The following RNF149 variants were observed in gnomAD, a reference collection of about 807,000 sequenced individuals.
RNF149 encodes ring finger protein 149, also known as E3 ubiquitin-protein ligase RNF149.
RNF149 carries 21 observed loss-of-function variants against 39.0 expected under a neutral mutation model. The observed-to-expected ratio is 0.54, with a 90% CI of 0.38 to 0.77. The LOEUF is 0.77. Ranked by LOEUF, RNF149 falls within the 30% of genes least tolerant of loss-of-function variation. The pLI is 0.00. For synonymous variants in RNF149, 209 were observed against 213.6 expected, an observed-to-expected ratio of 0.98 and a Z score of 0.19; for missense variants, 493 against 534.9, an observed-to-expected ratio of 0.92 and a Z score of 0.77.
downstream of RNF149, chr2:101,271,677 A>G (rs1682134997): frequency 6.6e-6 from 1 of 151,986 alleles, no homozygotes; most frequent in Non-Finnish European, 1.5e-5. Context: ...TTCAACTGTC[A>G]CGTTAAGATG....
chr2:101,286,054 T>C (rs768780003), intron 5 of RNF149, 27 bp downstream of exon 5: 6 of 1,335,780 alleles, frequency 4.5e-6, no homozygotes, highest in Non-Finnish European at 6.5e-6. Context: ...GGGGCAGAGA[T>C]TGAATATAAA....
In RNF149 at chr2:101,277,241, G is replaced by A. The variant is rs1682378876; in HGVS notation, c.1200C>T (p.Ser400=). The A allele has an allele frequency of 6.2e-7, 1 of 1,613,644 alleles. No homozygotes were observed. The highest frequency in any genetic ancestry group is 8.5e-7 in the Non-Finnish European group (1 of 1,179,778). The change falls in exon 7 of 7, where the codon TCC becomes TCT. Residue 400 remains serine, a synonymous_variant. Coordinates refer to ENST00000295317, the MANE Select transcript of RNF149 (RefSeq NM_173647.4). ...RSDSRHGGPI[S] ...GCCACTTCAGTGGGCACGTGTGCTA[G>A]GAGATGGGTCCTCCATGCCGAGAGT... is the stretch of plus-strand genomic sequence containing the variant.
At chr2:101,301,322 C>T (rs554792132) in intron 1 of RNF149, among the ~76,000 whole-genome samples, 3 of 150,780 alleles carry the variant, frequency 2.0e-5, no homozygotes, top group African/African-American at 7.4e-5. Context: ...TACTAAATAA[C>T]AAATATAGAT....
chr2:101,300,747 T>G (rs1056355119), intron 1 of RNF149, among the ~76,000 whole-genome samples: 5 of 152,178 alleles, frequency 3.3e-5, no homozygotes, highest in Non-Finnish European at 5.9e-5. Context: ...TATTTTAAAT[T>G]AACAAAACCC....
At position 101,295,193 on chromosome 2, in the gene RNF149, A is replaced by T; in HGVS notation, c.461-12T>A. On this transcript the variant is annotated splice_polypyrimidine_tract_variant and intron_variant, in intron 1 of 6. Coordinates refer to ENST00000295317, the MANE Select transcript of RNF149 (RefSeq NM_173647.4). ...TATATTTCCTGTTCCTGTAGGAAAG[A>T]ACAAAGAAATCAATGTGAAGAACAC... 4 of 1,606,866 alleles carry T rather than the reference A, an allele frequency of 2.5e-6. No homozygotes were observed. Among genetic ancestry groups the T allele is most frequent in the Non-Finnish European group, 3.4e-6 (4 of 1,174,222 alleles).
intron 6 of RNF149, among the ~76,000 whole-genome samples, chr2:101,278,101 T>C (rs1682419854): frequency 6.6e-6 from 1 of 152,212 alleles, no homozygotes; most frequent in African/African-American, 2.4e-5. Context: ...TCCTTAAAGA[T>C]AGCAGCAGAT....
intron 6 of RNF149, among the ~76,000 whole-genome samples, chr2:101,278,013 TG>T (rs1483255714): frequency 1.3e-5 from 2 of 152,180 alleles, no homozygotes; most frequent in Non-Finnish European, 2.9e-5. Flanking sequence ...GAGGAGGAGC[TG>T]GTACTGAAAT....
At chr2:101,284,919 G>A (rs1682736378) in intron 5 of RNF149, among the ~76,000 whole-genome samples, 1 of 152,046 alleles carries the variant, frequency 6.6e-6, no homozygotes, top group African/African-American at 2.4e-5. Context: ...ATTGAGACAA[G>A]GTTTCACTCT....
downstream of RNF149, among the ~76,000 whole-genome samples, chr2:101,275,050 C>G (rs551167064): frequency 1.3e-5 from 2 of 151,210 alleles, no homozygotes; most frequent in South Asian, 4.2e-4. Flanking sequence ...CCACCTTGGC[C>G]TCTCAAAGTG....
Position 101,290,840 on chromosome 2 carries a change from G to A in RNF149, c.781-1785C>T, listed in dbSNP as rs140407703. Among the ~76,000 whole-genome samples the A allele has an allele frequency of 2.6e-3, 389 of 152,226 alleles. 1 individual carries two copies. The highest frequency in any genetic ancestry group is 8.5e-3 in the African/African-American group (351 of 41,528). On this transcript the variant is annotated intron_variant, in intron 3 of 6. Coordinates refer to ENST00000295317, the MANE Select transcript of RNF149 (RefSeq NM_173647.4). ...TCTATGGGTCATGGACCTCTTTGGT[G>A]GTAATCAGCCCTCCCTACTTCTCTG...
At chr2:101,305,702 G>C (rs371495969) in intron 1 of RNF149, among the ~76,000 whole-genome samples, 1 of 152,144 alleles carries the variant, frequency 6.6e-6, no homozygotes, top group Non-Finnish European at 1.5e-5. Flanking sequence ...TGGGGTGAGG[G>C]GGGTATGAAC....
chr2:101,273,114 G>A (rs1316148392), downstream of RNF149: 1 of 1,364,006 alleles, frequency 7.3e-7, no homozygotes, highest in African/African-American at 1.5e-5. Flanking sequence ...ATAGCATGCG[G>A]GGAAATTATT....
chr2:101,304,334 T>C (rs1165978638), intron 1 of RNF149, among the ~76,000 whole-genome samples: 1 of 151,548 alleles, frequency 6.6e-6, no homozygotes, highest in Non-Finnish European at 1.5e-5. Context: ...GATGCAGAGG[T>C]TGCAATGAGC....
chr2:101,275,967 A>C lies in RNF149; in HGVS notation c.*1271T>G, dbSNP rs549709112. ...TCTGTCTGTAGAGTTTATTTCAGTA[A>C]AACTGTTTACTATTTCATGATGAGT... is the stretch of plus-strand genomic sequence containing the variant. On this transcript the variant is annotated 3_prime_UTR_variant, in exon 7 of 7. Coordinates refer to ENST00000295317, the MANE Select transcript of RNF149 (RefSeq NM_173647.4). 1.3e-4 allele frequency: 131 copies of C among 972,488 alleles called. No individual in the cohort carries two copies. The highest frequency in any genetic ancestry group is 1.5e-4 in the Non-Finnish European group (121 of 818,180). The allele number at this position is 972,488 out of a possible 1,614,324, so 60.2% of individuals were successfully genotyped here.
At position 101,277,136 on chromosome 2, in the gene RNF149, C is replaced by T. The variant is rs1263691476; in HGVS notation, c.*102G>A. On this transcript the variant is annotated 3_prime_UTR_variant, in exon 7 of 7. Transcript: ENST00000295317. ...AGAATCTAATAGGTAAAATAATATA[C>T]ATTATTTTCAAATATACAAATTATG... 5.4e-6 allele frequency: 8 copies of T among 1,475,122 alleles called. No homozygotes were observed. The highest frequency in any genetic ancestry group is 6.4e-6 in the Non-Finnish European group (7 of 1,086,338). 91.4% of individuals were successfully genotyped at this position (1,475,122 alleles called of 1,614,324 possible).
chr2:101,291,220 G>A (rs1285556571), intron 3 of RNF149, among the ~76,000 whole-genome samples: 1 of 151,724 alleles, frequency 6.6e-6, no homozygotes, highest in East Asian at 1.9e-4. Flanking sequence ...GCGCGATCTT[G>A]GCTCACTGCA....
At chr2:101,302,127 C>T (rs1683477395) in intron 1 of RNF149, among the ~76,000 whole-genome samples, 1 of 152,168 alleles carries the variant, frequency 6.6e-6, no homozygotes, top group African/African-American at 2.4e-5. Flanking sequence ...CTCTTAGATA[C>T]CTCTTTTTGC....
chr2:101,307,856 G>A (rs1374991463), intron 1 of RNF149: 1 of 985,286 alleles, frequency 1.0e-6, no homozygotes, highest in Non-Finnish European at 1.2e-6. Flanking sequence ...AGAACCACAA[G>A]CCTCCTTCTG....
chr2:101,305,003 G>A (rs1206798262), intron 1 of RNF149, among the ~76,000 whole-genome samples: 4 of 151,900 alleles, frequency 2.6e-5, no homozygotes, highest in African/African-American at 9.7e-5. Flanking sequence ...ACCATGCCCG[G>A]CTAATTTTTG....
Sources: allele counts gnomAD v4.1 joint callset (sites outside exome capture counted in the v4.1 genomes callset), GRCh38; gene constraint gnomAD v4.1.1; transcripts MANE v1.5; gene names NCBI Gene and HGNC (gene_info 2026-07-23, HGNC 2026-07-21).